TENT4B: variants seen among roughly 807,000 people sequenced by gnomAD.
The protein encoded by TENT4B is PAP associated domain containing 5.
A neutral mutation model predicts 75.0 loss-of-function variants in TENT4B; 10 were observed. The observed-to-expected ratio is 0.13, with a 90% CI of 0.08 to 0.23. The LOEUF (loss-of-function observed/expected upper bound fraction) is 0.23. Ranked by LOEUF, TENT4B falls within the 10% of genes least tolerant of loss-of-function variation. The probability of loss-of-function intolerance (pLI) is 1.00; values close to 1 mark genes in which losing one functional copy is unlikely to be tolerated. For missense variants in TENT4B, 579 were observed against 893.8 expected (o/e 0.65, Z 4.49); for synonymous variants, 350 against 357.7 (o/e 0.98, Z 0.24).
chr16:50,213,437 C>T (rs1286216526), intron 2 of TENT4B, among the ~76,000 whole-genome samples: 5 of 152,212 alleles, frequency 3.3e-5, no homozygotes, highest in Non-Finnish European at 7.3e-5. Flanking sequence ...AGATGGAATG[C>T]ATCCCAGTTT....
chr16:50,189,551 C>T (rs1236674093), intron 1 of TENT4B, among the ~76,000 whole-genome samples: 1 of 152,176 alleles, frequency 6.6e-6, no homozygotes, highest in East Asian at 1.9e-4. Context: ...GATATCCCCT[C>T]TATTCTCTCT....
At chr16:50,211,137 TTTAA>T (rs2031255764) in intron 1 of TENT4B, among the ~76,000 whole-genome samples, 182 bp from the exon 2 acceptor site, 1 of 152,228 alleles carries the variant, frequency 6.6e-6, no homozygotes, top group African/African-American at 2.4e-5. Flanking sequence ...TTTCTCATTA[TTTAA>T]TTATTTTGGG....
Position 50,231,918 on chromosome 16 carries a change from TG to T in TENT4B, c.*2591del. 1.0e-6 allele frequency: 1 copy of T among 978,032 alleles called. No individual in the cohort carries two copies. Among genetic ancestry groups the T allele is most frequent in the Non-Finnish European group, 1.2e-6 (1 of 823,148 alleles). The allele number at this position is 978,032 out of a possible 1,614,324, so 60.6% of individuals were successfully genotyped here. A position where few individuals can be genotyped will look rare whatever the true frequency, so the allele number is the denominator to read the frequency against. On this transcript the variant is annotated 3_prime_UTR_variant, in exon 12 of 12. Coordinates refer to ENST00000561678, the MANE Select transcript of TENT4B (RefSeq NM_001365324.3). ...GAGTTTTAATACTTCCTATATTTTG[TG>T]AATATATCAGAAATGTGTCATTTAT...
chr16:50,227,862 A>G lies in TENT4B; in HGVS notation c.1824A>G (p.Lys608=). Residue 608 remains lysine (K), a synonymous_variant, in exon 11 of 12, where the codon AAA becomes AAG. Transcript: ENST00000561678. ...SDVDSDATPC[K]TPKQLLCRPS... ...AGGATTCCGATGCAACACCATGCAA[A>G]ACCCCGAAACAGCTGCTTTGCCGTC... is the stretch of plus-strand genomic sequence containing the variant. 1.2e-6 allele frequency: 2 copies of G among 1,613,994 alleles called. No homozygotes were observed. The highest frequency in any genetic ancestry group is 1.7e-6 in the Non-Finnish European group (2 of 1,179,886).
chr16:50,226,718 AT>A (rs796131144), intron 10 of TENT4B, among the ~76,000 whole-genome samples: 1 of 151,644 alleles, frequency 6.6e-6, no homozygotes, highest in African/African-American at 2.4e-5. Flanking sequence ...GCCTGGCCAA[AT>A]TTTTTTTTAG....
chr16:50,170,573 A>G (rs1448651786), intron 1 of TENT4B, among the ~76,000 whole-genome samples: 2 of 152,124 alleles, frequency 1.3e-5, no homozygotes, highest in Non-Finnish European at 2.9e-5. Flanking sequence ...GATGAGCCGC[A>G]CTCAGCCTCT....
chr16:50,155,268 C>CGTGG (rs1016463589), intron 1 of TENT4B, among the ~76,000 whole-genome samples: 23 of 30,150 alleles, frequency 7.6e-4, no homozygotes, highest in African/African-American at 2.3e-3. Flanking sequence ...TTTTGGGTCT[C>CGTGG]GTGGGTGTGT....
At chr16:50,175,525 G>T (rs1275167716) in intron 1 of TENT4B, among the ~76,000 whole-genome samples, 1 of 151,870 alleles carries the variant, frequency 6.6e-6, no homozygotes, top group African/African-American at 2.4e-5. Context: ...TCGCTTTGTC[G>T]CCAGGCTGAA....
chr16:50,159,922 G>C (rs78625035), intron 1 of TENT4B, among the ~76,000 whole-genome samples: 1 of 151,640 alleles, frequency 6.6e-6, no homozygotes, highest in Non-Finnish European at 1.5e-5. Flanking sequence ...TTTTTGAGAC[G>C]GAGTCTTGCT....
rs534654494 is a variant in TENT4B at position 50,153,367 on chromosome 16, C to G, written c.-255C>G. Among the ~76,000 whole-genome samples, 1 of 67,470 alleles carries G rather than the reference C, an allele frequency of 1.5e-5. No individual in the cohort carries two copies. The highest frequency in any genetic ancestry group is 5.5e-5 in the African/African-American group (1 of 18,044). The allele number at this position is 67,470 out of a possible 152,430, so 44.3% of individuals were successfully genotyped here. ...CACGGGGACCCCAGTGACAGGGGCT[C>G]GGCGGAGGGGCGGAGGGGCGGAGGG... is the stretch of plus-strand genomic sequence containing the variant. On this transcript the variant is annotated 5_prime_UTR_variant, in exon 1 of 12. Coordinates refer to ENST00000561678, the MANE Select transcript of TENT4B (RefSeq NM_001365324.3).
At chr16:50,166,625 T>G (rs1814709217) in intron 1 of TENT4B, among the ~76,000 whole-genome samples, 1 of 152,078 alleles carries the variant, frequency 6.6e-6, no homozygotes, top group Admixed American at 6.6e-5. Context: ...TTTATTTTAC[T>G]GAGACAGGGT....
rs2031537763 is a variant in TENT4B at position 50,216,065 on chromosome 16, C to A, written c.810-10C>A. 6.2e-7 allele frequency: 1 copy of A among 1,613,766 alleles called. No individual in the cohort carries two copies. Among genetic ancestry groups the A allele is most frequent in the Non-Finnish European group, 8.5e-7 (1 of 1,179,838 alleles). ...CTTCCGACCCTCTTGTATATGTATT[C>A]TGTGTTCAGTGACATCGACCTAGTG... is the stretch of plus-strand genomic sequence containing the variant. On this transcript the variant is annotated splice_polypyrimidine_tract_variant and intron_variant, in intron 3 of 11. Transcript: ENST00000561678.
intron 1 of TENT4B, among the ~76,000 whole-genome samples, chr16:50,191,492 A>G (rs1004881955): frequency 6.6e-6 from 1 of 152,230 alleles, no homozygotes; most frequent in Middle Eastern, 3.4e-3. Context: ...CAGGCTGGTC[A>G]TGAACTCCTG....
Position 50,233,597 on chromosome 16 carries a change from A to G in TENT4B, c.*4269A>G. ...GAAAAATTGCTTATAAAGGCTGCTG[A>G]TCTATTTGATACCTAGAATTAAATA... On this transcript the variant is annotated 3_prime_UTR_variant, in exon 12 of 12. Coordinates refer to ENST00000561678, the MANE Select transcript of TENT4B (RefSeq NM_001365324.3). 3 of 983,388 alleles carry G rather than the reference A, an allele frequency of 3.1e-6. No individual in the cohort carries two copies. Among genetic ancestry groups the G allele is most frequent in the Non-Finnish European group, 3.6e-6 (3 of 828,042 alleles). 60.9% of individuals were successfully genotyped at this position (983,388 alleles called of 1,614,324 possible).
chr16:50,177,781 T>A (rs972776619), intron 1 of TENT4B, among the ~76,000 whole-genome samples: 2 of 152,166 alleles, frequency 1.3e-5, no homozygotes, highest in African/African-American at 4.8e-5. Flanking sequence ...TAATTTTTTT[T>A]AGTTTTTCTA....
intron 4 of TENT4B, among the ~76,000 whole-genome samples, chr16:50,216,484 G>T (rs1415062330): frequency 6.6e-6 from 1 of 152,136 alleles, no homozygotes; most frequent in Non-Finnish European, 1.5e-5. Flanking sequence ...TAATTTTGTT[G>T]TATTTTTTGT....
rs751920838 is a variant in TENT4B at position 50,233,544 on chromosome 16, C to T, written c.*4216C>T. The T allele has an allele frequency of 1.3e-4, 124 of 984,740 alleles. No individual in the cohort carries two copies. The highest frequency in any genetic ancestry group is 1.5e-4 in the Non-Finnish European group (121 of 829,640). 61.0% of individuals were successfully genotyped at this position (984,740 alleles called of 1,614,324 possible). On this transcript the variant is annotated 3_prime_UTR_variant, in exon 12 of 12. Transcript: ENST00000561678. ...AGATAATGAGCTAAATATATATAGA[C>T]GTTGAATGTTGACAAAATTATTAAC...
Position 50,231,909 on chromosome 16 carries a change from T to A in TENT4B, c.*2581T>A. The A allele has an allele frequency of 1.0e-6, 1 of 977,604 alleles. No individual in the cohort carries two copies. The highest frequency in any genetic ancestry group is 1.2e-6 in the Non-Finnish European group (1 of 822,758). 60.6% of individuals were successfully genotyped at this position (977,604 alleles called of 1,614,324 possible). On this transcript the variant is annotated 3_prime_UTR_variant, in exon 12 of 12. Transcript: ENST00000561678. ...TTCTTTTTTGAGTTTTAATACTTCC[T>A]ATATTTTGTGAATATATCAGAAATG... is the stretch of plus-strand genomic sequence containing the variant.
intron 1 of TENT4B, among the ~76,000 whole-genome samples, chr16:50,204,027 G>A (rs4785205): frequency 0.74 from 113,302 of 152,120 alleles, 42,875 homozygotes; most frequent in Non-Finnish European, 0.8. Context: ...AAAGCAAGGC[G>A]TGCCCTGGTC....
Sources: allele counts gnomAD v4.1 joint callset (sites outside exome capture counted in the v4.1 genomes callset), GRCh38; gene constraint gnomAD v4.1.1; transcripts MANE v1.5; gene names NCBI Gene and HGNC (gene_info 2026-07-23, HGNC 2026-07-21).